Variants in NALCN observed in about 807,000 individuals in gnomAD.
The protein encoded by NALCN is sodium leak channel, non-selective.
NALCN carries 111 observed loss-of-function variants against 225.3 expected under a neutral mutation model. The ratio of observed to expected loss-of-function variants is 0.49; its 90% CI spans 0.42 to 0.58. The LOEUF (loss-of-function observed/expected upper bound fraction) is 0.58. Among genes scored for constraint, NALCN ranks in the 20% least tolerant of loss-of-function variants. NALCN has a pLI of 0.00. For missense variants in NALCN, 1,378 were observed against 2,202.4 expected (o/e 0.63, Z 7.49); for synonymous variants, 764 against 769.0 (o/e 0.99, Z 0.11).
In NALCN at chr13:101,089,762, C is replaced by G; in HGVS notation, c.3391-1G>C. ...AAACATGAATATAGATTCCATGGAT[C>G]TGCATAAAGGAAAATATGGTTATTC... On this transcript the variant is annotated splice_acceptor_variant, in intron 29 of 43. Transcript: ENST00000251127. LOFTEE classifies it high-confidence loss of function. The surrounding 1 kb of genome is among the most constrained non-coding windows in gnomAD (Gnocchi z 4.7). The G allele has an allele frequency of 6.2e-7, 1 of 1,614,014 alleles. No homozygotes were observed. The highest frequency in any genetic ancestry group is 8.5e-7 in the Non-Finnish European group (1 of 1,179,916).
intron 11 of NALCN, among the ~76,000 whole-genome samples, chr13:101,256,731 T>C (rs1350594867): frequency 6.6e-6 from 1 of 150,796 alleles, no homozygotes; most frequent in Non-Finnish European, 1.5e-5. Context: ...GAAATTTACC[T>C]GCAAATATTA....
chr13:101,218,163 T>C (rs1270090696), intron 13 of NALCN, among the ~76,000 whole-genome samples: 1 of 152,102 alleles, frequency 6.6e-6, no homozygotes, highest in Non-Finnish European at 1.5e-5. Context: ...GGAGGAGGCC[T>C]GGGAACAGAG....
At chr13:101,269,241 T>TATATATATATATATATATATATATATATA (rs1566509203) in intron 10 of NALCN, among the ~76,000 whole-genome samples, 1 of 147,826 alleles carries the variant, frequency 6.8e-6, no homozygotes, top group Non-Finnish European at 1.5e-5. Context: ...TATATATATA[T>TATATATATATATATATATATATATATATA]TTTAGCCTGG....
intron 17 of NALCN, among the ~76,000 whole-genome samples, chr13:101,142,062 C>T (rs1055093816): frequency 1.3e-5 from 2 of 150,602 alleles, no homozygotes; most frequent in African/African-American, 2.4e-5. Flanking sequence ...CATATATACA[C>T]ACATATACAT....
intron 7 of NALCN, among the ~76,000 whole-genome samples, chr13:101,340,357 G>C (rs1009007606): frequency 6.6e-6 from 1 of 152,118 alleles, no homozygotes; most frequent in Non-Finnish European, 1.5e-5. Context: ...GTTAATGTCT[G>C]TAAACAAAGG....
chr13:101,405,437 T>A (rs1180042448), intron 1 of NALCN, among the ~76,000 whole-genome samples: 1 of 152,192 alleles, frequency 6.6e-6, no homozygotes, highest in Non-Finnish European at 1.5e-5. Flanking sequence ...CACTCTGCCG[T>A]CCTCCAATTC....
chr13:101,106,111 G>A (rs1005427601), intron 22 of NALCN, among the ~76,000 whole-genome samples: 5 of 152,238 alleles, frequency 3.3e-5, no homozygotes, highest in Admixed American at 2.6e-4. Context: ...CTGTTCCAGG[G>A]CTGTCTCCTT....
At chr13:101,171,714 C>T (rs2038730895) in intron 15 of NALCN, among the ~76,000 whole-genome samples, 1 of 152,140 alleles carries the variant, frequency 6.6e-6, no homozygotes, top group Admixed American at 6.5e-5. Context: ...CATCACGGCA[C>T]ACACTGGTGA....
At chr13:101,261,681 T>C (rs928902998) in intron 10 of NALCN, among the ~76,000 whole-genome samples, 5 of 152,244 alleles carry the variant, frequency 3.3e-5, no homozygotes, top group African/African-American at 1.2e-4. Flanking sequence ...CTACTAATTT[T>C]TGTATGTTGA....
At chr13:101,346,858 C>T (rs2045755159) in intron 6 of NALCN, among the ~76,000 whole-genome samples, 1 of 152,082 alleles carries the variant, frequency 6.6e-6, no homozygotes, top group African/African-American at 2.4e-5. Flanking sequence ...TTGATGATTT[C>T]AGAAGCCTTC....
intron 42 of NALCN, 58 bp downstream of exon 42, chr13:101,059,760 T>C: frequency 6.6e-7 from 1 of 1,518,734 alleles, no homozygotes; most frequent in Non-Finnish European, 9.0e-7. Flanking sequence ...TATTTATTTT[T>C]ATTAAAAGAA....
At position 101,381,293 on chromosome 13, in the gene NALCN, T is replaced by C. The variant is rs141663366; in HGVS notation, c.292-2640A>G. On this transcript the variant is annotated intron_variant, in intron 3 of 43. Transcript: ENST00000251127. ...ACCGATGCTACTGGTGTTTATGTGC[T>C]ACACATAAACGCATCACAAAGGTTA... 1.1e-4 allele frequency among the ~76,000 whole-genome samples: 17 copies of C among 152,260 alleles called. No individual in the cohort carries two copies. In the East Asian group the frequency reaches 2.9e-3, roughly 26 times the overall value.
At chr13:101,386,720 G>A (rs1050714479) in intron 3 of NALCN, among the ~76,000 whole-genome samples, 4 of 151,974 alleles carry the variant, frequency 2.6e-5, no homozygotes, top group African/African-American at 4.8e-5. Flanking sequence ...TTGGTTTGTC[G>A]TGCATAATTT....
chr13:101,076,404 G>T (rs2033254884), intron 34 of NALCN, among the ~76,000 whole-genome samples: 1 of 152,166 alleles, frequency 6.6e-6, no homozygotes, highest in African/African-American at 2.4e-5. Context: ...TTTCAGAGAG[G>T]TCCTCCCTGC....
rs149932553 is a variant in NALCN at position 101,347,614 on chromosome 13, T to C, written c.645-2194A>G. 2.0e-5 allele frequency among the ~76,000 whole-genome samples: 3 copies of C among 152,240 alleles called. No individual in the cohort carries two copies. The East Asian group carries it at 5.8e-4, about 29-fold the overall frequency. ...TGATTTGGTACCTACAATATAACAG[T>C]AAGATGGTAAGGAGACTGGGCTTCT... On this transcript the variant is annotated intron_variant, in intron 6 of 43. Transcript: ENST00000251127.
chr13:101,083,304 C>A, intron 31 of NALCN, 106 bp from the exon 32 acceptor site: 1 of 952,672 alleles, frequency 1.0e-6, no homozygotes, highest in South Asian at 1.6e-5. Context: ...ACATTTTTCT[C>A]CCCAAACAGT....
chr13:101,170,890 T>C (rs2038680143), intron 15 of NALCN, among the ~76,000 whole-genome samples: 1 of 152,234 alleles, frequency 6.6e-6, no homozygotes, highest in Admixed American at 6.5e-5. Flanking sequence ...ATGAATTTTA[T>C]ACCACTTAAA....
intron 14 of NALCN, among the ~76,000 whole-genome samples, chr13:101,188,186 G>A (rs567312953): frequency 3.3e-5 from 5 of 152,266 alleles, no homozygotes; most frequent in African/African-American, 4.8e-5. Flanking sequence ...TTCACAGTCC[G>A]CGGAGTACCA....
intron 17 of NALCN, among the ~76,000 whole-genome samples, chr13:101,135,339 G>C (rs1254671425): frequency 6.6e-6 from 1 of 152,228 alleles, no homozygotes; most frequent in Non-Finnish European, 1.5e-5. Context: ...AGGTGAGTGG[G>C]CTTGTGATTC....
Sources: allele counts gnomAD v4.1 joint callset (sites outside exome capture counted in the v4.1 genomes callset), GRCh38; gene constraint gnomAD v4.1.1; non-coding constraint Gnocchi (gnomAD v3.1); transcripts MANE v1.5; gene names NCBI Gene and HGNC (gene_info 2026-07-23, HGNC 2026-07-21).